PCCA: variants seen among roughly 807,000 people sequenced by gnomAD.
PCCA encodes propionyl-CoA carboxylase subunit alpha.
PCCA carries 74 observed loss-of-function variants against 101.3 expected under a neutral mutation model. That is an observed-to-expected ratio of 0.73 (90% CI 0.61 to 0.89). PCCA has a LOEUF of 0.89. Ranked by LOEUF, PCCA falls within the 40% of genes least tolerant of loss-of-function variation. The pLI, the probability that PCCA is intolerant of heterozygous loss-of-function variation, is 0.00. For missense variants in PCCA, 891 were observed against 907.0 expected (o/e 0.98, Z 0.23); for synonymous variants, 294 against 313.6 (o/e 0.94, Z 0.66).
At chr13:100,429,082 C>T (rs1355056073) in intron 20 of PCCA, among the ~76,000 whole-genome samples, 1 of 151,990 alleles carries the variant, frequency 6.6e-6, no homozygotes, top group African/African-American at 2.4e-5. Context: ...TAAGAAGTCT[C>T]AGCAGCTGTG....
At chr13:100,335,081 A>G (rs2070228812) in intron 17 of PCCA, among the ~76,000 whole-genome samples, 2 of 152,252 alleles carry the variant, frequency 1.3e-5, no homozygotes, top group Non-Finnish European at 2.9e-5. Flanking sequence ...AAATCTTAGA[A>G]TAGTGTCTGC....
chr13:100,316,643 T>A (rs1385452590), intron 16 of PCCA, among the ~76,000 whole-genome samples: 2 of 152,222 alleles, frequency 1.3e-5, no homozygotes, highest in Non-Finnish European at 2.9e-5. Context: ...TGTATTTTAC[T>A]GATGACAGAG....
intron 19 of PCCA, among the ~76,000 whole-genome samples, chr13:100,384,430 A>G (rs2076393522): frequency 6.6e-6 from 1 of 152,220 alleles, no homozygotes; most frequent in Non-Finnish European, 1.5e-5. Context: ...TTCTGCACAA[A>G]ATAATAACTT....
intron 8 of PCCA, among the ~76,000 whole-genome samples, chr13:100,254,805 G>A (rs2061972459): frequency 6.6e-6 from 1 of 152,148 alleles, no homozygotes; most frequent in Admixed American, 6.5e-5. Context: ...GTATCAGCCA[G>A]GTTCAGTGGC....
At chr13:100,462,528 G>A (rs1236087673) in intron 21 of PCCA, among the ~76,000 whole-genome samples, 3 of 152,162 alleles carry the variant, frequency 2.0e-5, no homozygotes, top group African/African-American at 4.8e-5. Flanking sequence ...GTAGCAGAGC[G>A]AATTGTAGAT....
intron 6 of PCCA, among the ~76,000 whole-genome samples, chr13:100,187,643 G>A (rs1448460203): frequency 6.6e-6 from 1 of 151,954 alleles, no homozygotes; most frequent in Non-Finnish European, 1.5e-5. Context: ...TTTTAAAATT[G>A]TTTCTCAGTA....
At chr13:100,172,462 T>C (rs1430354845) in intron 6 of PCCA, among the ~76,000 whole-genome samples, 2 of 152,210 alleles carry the variant, frequency 1.3e-5, no homozygotes, top group African/African-American at 2.4e-5. Context: ...GACATATTTG[T>C]TAATGATAAA....
At chr13:100,242,087 G>A (rs2061171435) in intron 8 of PCCA, among the ~76,000 whole-genome samples, 1 of 152,038 alleles carries the variant, frequency 6.6e-6, no homozygotes, top group South Asian at 2.1e-4. Context: ...TGCCATCCTA[G>A]TGTGTGTGTA....
At chr13:100,471,923 C>T (rs2083048987) in intron 21 of PCCA, among the ~76,000 whole-genome samples, 2 of 152,110 alleles carry the variant, frequency 1.3e-5, no homozygotes, top group African/African-American at 4.8e-5. Flanking sequence ...CTCCTTAGCT[C>T]AGCAGAGTCC....
intron 4 of PCCA, among the ~76,000 whole-genome samples, chr13:100,116,942 G>C (rs914055161): frequency 7.9e-5 from 12 of 152,146 alleles, no homozygotes; most frequent in African/African-American, 2.9e-4. Flanking sequence ...CCTTGGATCA[G>C]ATTTGGCCAG....
chr13:100,151,122 G>A, intron 4 of PCCA: 1 of 1,130,710 alleles, frequency 8.8e-7, no homozygotes, highest in Non-Finnish European at 1.3e-6. Flanking sequence ...GCTGCTGCCA[G>A]ACGGAAGAAA....
intron 21 of PCCA, among the ~76,000 whole-genome samples, chr13:100,461,047 T>A (rs2082130779): frequency 6.6e-6 from 1 of 152,236 alleles, no homozygotes; most frequent in Admixed American, 6.5e-5. Context: ...ACCATTCTGG[T>A]CTGCATATTT....
intron 4 of PCCA, among the ~76,000 whole-genome samples, chr13:100,140,043 A>C (rs2051675362): frequency 6.6e-6 from 1 of 152,082 alleles, no homozygotes; most frequent in Admixed American, 6.6e-5. Flanking sequence ...TACTTATTAG[A>C]ATTACATCCA....
At chr13:100,469,212 A>AAAAAAAAAAAAC (rs1491278450) in intron 21 of PCCA, among the ~76,000 whole-genome samples, 1 of 72,962 alleles carries the variant, frequency 1.4e-5, no homozygotes, top group Non-Finnish European at 2.4e-5. Flanking sequence ...ACTCCGTCTC[A>AAAAAAAAAAAAC]AAAAAAAAAA....
At position 100,285,025 on chromosome 13, in the gene PCCA, A is replaced by C. The variant is rs115536748; in HGVS notation, c.1065+11679A>C. ...CAAGGGTACAAGGTGTCTAGGTCGA[A>C]GGCCCCAGCTTTGCCTACAGCAGGT... On this transcript the variant is annotated intron_variant, in intron 12 of 23. Coordinates refer to ENST00000376285, the MANE Select transcript of PCCA (RefSeq NM_000282.4). Among the ~76,000 whole-genome samples the C allele has an allele frequency of 3.9e-3, 599 of 152,320 alleles. 5 individuals are homozygous for C. Among genetic ancestry groups the C allele is most frequent in the African/African-American group, 0.013 (555 of 41,566 alleles).
intron 6 of PCCA, among the ~76,000 whole-genome samples, chr13:100,188,334 A>AAACAAAACAAAACAAAACAAAACAAAAAC (rs1555372004): frequency 1.6e-5 from 2 of 124,040 alleles, no homozygotes; most frequent in Middle Eastern, 3.6e-3. Context: ...CAAAAACACA[A>AAACAAAACAAAACAAAACAAAACAAAAAC]AGAAAGAAAG....
intron 12 of PCCA, among the ~76,000 whole-genome samples, chr13:100,297,419 A>G (rs2065642541): frequency 6.6e-6 from 1 of 152,364 alleles, no homozygotes; most frequent in South Asian, 2.1e-4. Context: ...AGGTAACAAC[A>G]CAGTGCCAAG....
At chr13:100,125,478 T>A (rs2152311492) in intron 4 of PCCA, among the ~76,000 whole-genome samples, 1 of 152,316 alleles carries the variant, frequency 6.6e-6, no homozygotes, top group African/African-American at 2.4e-5. Context: ...AGTATATGGT[T>A]TTGAATCTGG....
rs186075544 is a variant in PCCA at position 100,178,815 on chromosome 13, T to C, written c.468+21475T>C. ...TGTGTGGGCCGGGCGCGGTGGCTCA[T>C]GCCTGTAATCCCAGCACTTTGGGAG... is the stretch of plus-strand genomic sequence containing the variant. On this transcript the variant is annotated intron_variant, in intron 6 of 23. Transcript: ENST00000376285. Among the ~76,000 whole-genome samples, 750 of 152,184 alleles carry C rather than the reference T, an allele frequency of 4.9e-3. 9 individuals are homozygous for C. Among genetic ancestry groups the C allele is most frequent in the African/African-American group, 0.017 (718 of 41,538 alleles).
Sources: allele counts gnomAD v4.1 joint callset (sites outside exome capture counted in the v4.1 genomes callset), GRCh38; gene constraint gnomAD v4.1.1; transcripts MANE v1.5; gene names NCBI Gene and HGNC (gene_info 2026-07-23, HGNC 2026-07-21).